The following NLRP5 variants were observed in gnomAD, a reference collection of about 807,000 sequenced individuals.
The protein encoded by NLRP5 is NLR family pyrin domain containing 5.
Under a neutral mutation model 113.1 loss-of-function variants are expected in NLRP5, and 93 were observed. The ratio of observed to expected loss-of-function variants is 0.82; its 90% confidence interval spans 0.70 to 0.98. NLRP5 has a LOEUF of 0.98. NLRP5 is among the 50% of genes least tolerant of loss of function. The probability of loss-of-function intolerance (pLI) is 0.00; values close to 1 mark genes in which losing one functional copy is unlikely to be tolerated. For synonymous variants in NLRP5, 751 were observed against 600.7 expected, an observed-to-expected ratio of 1.25 and a Z score of -3.66; for missense variants, 1,808 against 1,514.3, an observed-to-expected ratio of 1.19 and a Z score of -3.22.
At chr19:56,015,525 G>A (rs565857455) in intron 3 of NLRP5, among the ~76,000 whole-genome samples, 4 of 152,276 alleles carry the variant, frequency 2.6e-5, no homozygotes, top group African/African-American at 9.6e-5. Context: ...TACTGCCAGT[G>A]TATAGAAATA....
upstream of NLRP5, among the ~76,000 whole-genome samples, chr19:55,999,556 G>C (rs937103608): frequency 6.6e-6 from 1 of 152,072 alleles, no homozygotes; most frequent in African/African-American, 2.4e-5. Flanking sequence ...CTTTAGAGCA[G>C]GTGGTGTTCA....
chr19:56,040,064 CCT>C (rs1260094399), intron 10 of NLRP5, among the ~76,000 whole-genome samples: 6 of 152,132 alleles, frequency 3.9e-5, no homozygotes, highest in African/African-American at 7.2e-5. Flanking sequence ...GATCCTCCTG[CCT>C]CAGCTTCCCA....
Position 55,999,871 on chromosome 19 carries a change from G to A in NLRP5, c.62+84G>A, listed in dbSNP as rs559396483. The A allele has an allele frequency of 7.1e-5, 65 of 910,198 alleles. 1 individual carries two copies. Among genetic ancestry groups the A allele is most frequent in the South Asian group, 6.8e-4 (52 of 76,136 alleles). The allele number at this position is 910,198 out of a possible 1,614,324, so 56.4% of individuals were successfully genotyped here. ...CACACGGATCGAATCCCCTGCCCTCGCTGCTGTCTGCTGCAATGTTATTAG... is the reference window on the plus strand; with the variant it reads ...CACACGGATCGAATCCCCTGCCCTCACTGCTGTCTGCTGCAATGTTATTAG... On this transcript the variant is annotated intron_variant, in intron 1 of 14. Coordinates refer to ENST00000390649, the MANE Select transcript of NLRP5 (RefSeq NM_153447.4).
chr19:56,053,205 T>G (rs1232091729), intron 12 of NLRP5, among the ~76,000 whole-genome samples: 2 of 151,722 alleles, frequency 1.3e-5, no homozygotes, highest in African/African-American at 4.8e-5. Flanking sequence ...AGACCAGCCT[T>G]ACCAACATGG....
chr19:56,010,425 G>A (rs549277932), intron 3 of NLRP5, among the ~76,000 whole-genome samples: 2 of 152,200 alleles, frequency 1.3e-5, no homozygotes, highest in East Asian at 3.9e-4. Context: ...CTTCGTCGTT[G>A]CTCCTGATGG....
intron 3 of NLRP5, among the ~76,000 whole-genome samples, chr19:56,012,201 T>C (rs941100695): frequency 1.3e-5 from 2 of 151,948 alleles, no homozygotes; most frequent in African/African-American, 2.4e-5. Context: ...CAGGCTGGAG[T>C]GCAGTGGTGC....
At position 56,032,584 on chromosome 19, in the gene NLRP5, C is replaced by A. The variant is rs780532279; in HGVS notation, c.2277-27C>A. 1.8e-5 allele frequency: 29 copies of A among 1,599,152 alleles called. No individual in the cohort carries two copies. The South Asian group carries it at 2.9e-4, about 16-fold the overall frequency. ...CTCATGTTAAACTCCATCCCATGAG[C>A]CCATGTTTCTATCCCCCCTGACATA... On this transcript the variant is annotated intron_variant, in intron 7 of 14. Coordinates refer to ENST00000390649, the MANE Select transcript of NLRP5 (RefSeq NM_153447.4).
intron 6 of NLRP5, among the ~76,000 whole-genome samples, chr19:56,022,946 G>A (rs565332714): frequency 6.6e-6 from 1 of 152,172 alleles, no homozygotes; most frequent in South Asian, 2.1e-4. Flanking sequence ...GGCTGGTCTC[G>A]AACTCTCAAC....
intron 11 of NLRP5, 124 bp from the exon 12 acceptor site, chr19:56,050,294 A>AG: frequency 2.1e-6 from 2 of 933,846 alleles, no homozygotes; most frequent in Non-Finnish European, 3.1e-6. Context: ...AAAAAGAAAA[A>AG]AAAACAAATA....
upstream of NLRP5, among the ~76,000 whole-genome samples, chr19:55,998,710 G>GTGTATATATATATATATA (rs1555762443): frequency 1.5e-5 from 1 of 67,856 alleles, no homozygotes; most frequent in African/African-American, 8.3e-5. Flanking sequence ...ATATGTGTGT[G>GTGTATATATATATATATA]TGTGTATATA....
intron 13 of NLRP5, among the ~76,000 whole-genome samples, chr19:56,057,922 G>T (rs535307045): frequency 6.4e-4 from 97 of 151,888 alleles, no homozygotes; most frequent in African/African-American, 2.1e-3. Flanking sequence ...AGCTACTCCG[G>T]AGGCTAAGGC....
upstream of NLRP5, among the ~76,000 whole-genome samples, chr19:55,996,000 C>T (rs1482911238): frequency 2.6e-5 from 4 of 151,448 alleles, no homozygotes; most frequent in Non-Finnish European, 5.9e-5. Flanking sequence ...TATGTTGATT[C>T]TGCAACTTTA....
upstream of NLRP5, among the ~76,000 whole-genome samples, chr19:55,996,298 A>G (rs1385490192): frequency 2.6e-5 from 4 of 151,992 alleles, no homozygotes; most frequent in Admixed American, 2.6e-4. Context: ...TATTGTTCTG[A>G]GTTATGTTTC....
Position 55,999,778 on chromosome 19 carries a change from C to A in NLRP5, c.53C>A (p.Ser18Ter). ...GGAGCTGCTGCTCTGCTCTCAGCAT[C>A]ACCACGTGCGTCGACAGCCTCTTAG... The change falls in exon 1 of 15, where the codon TCA becomes TAA. Residue 18 changes from serine to a stop codon, truncating the protein, a stop_gained. Coordinates refer to ENST00000390649, the MANE Select transcript of NLRP5 (RefSeq NM_153447.4). LOFTEE classifies it high-confidence loss of function. The A allele has an allele frequency of 6.2e-7, 1 of 1,613,254 alleles. No individual in the cohort carries two copies. Among genetic ancestry groups the A allele is most frequent in the South Asian group, 1.1e-5 (1 of 91,078 alleles).
chr19:56,024,746 C>T (rs187455766), intron 6 of NLRP5, among the ~76,000 whole-genome samples: 1 of 148,876 alleles, frequency 6.7e-6, no homozygotes, highest in Admixed American at 6.7e-5. Context: ...CAACAGACTG[C>T]AACTGTGTCT....
chr19:56,019,192 G>A, intron 4 of NLRP5, 150 bp from the exon 5 acceptor site: 1 of 800,250 alleles, frequency 1.2e-6, no homozygotes, highest in Non-Finnish European at 2.0e-6. Flanking sequence ...TTGTACCAGT[G>A]CACTCTGTCT....
At position 56,027,528 on chromosome 19, in the gene NLRP5, T is replaced by A. The variant is rs1599892409; in HGVS notation, c.1295T>A (p.Ile432Asn). 6.2e-7 allele frequency: 1 copy of A among 1,613,946 alleles called. No individual in the cohort carries two copies. The highest frequency in any genetic ancestry group is 8.5e-7 in the Non-Finnish European group (1 of 1,179,896). The change falls in exon 7 of 15, where the codon ATC becomes AAC. Residue 432 changes from isoleucine to asparagine, a missense_variant. Ile to Asn is a moderately radical substitution (Grantham distance 149). Coordinates refer to ENST00000390649, the MANE Select transcript of NLRP5 (RefSeq NM_153447.4). ...CCCCGTTACCTGTTAGTTAGAGGAA[T>A]CTCCGGGGAACAAAGAATCCACTTG...
intron 14 of NLRP5, among the ~76,000 whole-genome samples, 198 bp from the exon 15 acceptor site, chr19:56,061,198 T>G (rs1984340003): frequency 6.6e-6 from 1 of 152,218 alleles, no homozygotes; most frequent in African/African-American, 2.4e-5. Context: ...TCTCCATGTT[T>G]CAGCAAGCTG....
rs980137793 is a variant in NLRP5, at chr19:56,008,735, G to A, written c.443-53G>A. 5 of 1,484,064 alleles carry A rather than the reference G, an allele frequency of 3.4e-6. No homozygotes were observed. The South Asian group carries it at 3.6e-5, about 11-fold the overall frequency. 91.9% of individuals were successfully genotyped at this position (1,484,064 alleles called of 1,614,324 possible). ...ACGGGACATTCTTATCCTTGGCTTG[G>A]GTAATTACAGTGACTTCATTGAGGC... On this transcript the variant is annotated intron_variant, in intron 2 of 14. Coordinates refer to ENST00000390649, the MANE Select transcript of NLRP5 (RefSeq NM_153447.4).
Sources: allele counts gnomAD v4.1 joint callset (sites outside exome capture counted in the v4.1 genomes callset), GRCh38; gene constraint gnomAD v4.1.1; transcripts MANE v1.5; gene names NCBI Gene and HGNC (gene_info 2026-07-23, HGNC 2026-07-21).